Variants in TLN2 observed in about 807,000 individuals in gnomAD.
The protein encoded by TLN2 is talin-2.
In TLN2, 118 loss-of-function variants were observed where a neutral mutation model predicts 294.7. The ratio of observed to expected loss-of-function variants is 0.40; its 90% CI spans 0.34 to 0.47. TLN2 has a LOEUF of 0.47. Among genes scored for constraint, TLN2 ranks in the 20% least tolerant of loss-of-function variants. TLN2 has a pLI of 0.84. For synonymous variants in TLN2, 1,431 were observed against 1,304.5 expected (o/e 1.10, Z -2.09); for missense variants, 3,083 against 3,282.2 (o/e 0.94, Z 1.48).
At chr15:62,606,000 A>G (rs2047405038) in intron 2 of TLN2, among the ~76,000 whole-genome samples, 1 of 152,240 alleles carries the variant, frequency 6.6e-6, no homozygotes, top group South Asian at 2.1e-4. Context: ...CACCAGTGTC[A>G]CTAGTTAAGT....
chr15:62,746,785 C>A (rs896472079), intron 32 of TLN2, among the ~76,000 whole-genome samples: 2 of 152,136 alleles, frequency 1.3e-5, no homozygotes, highest in African/African-American at 4.8e-5. Flanking sequence ...GAAGCGTGGA[C>A]CAGTTATGAC....
rs71131119 is a variant in TLN2 at position 62,689,877 on chromosome 15, T to TTTTTTTTTTTA, written c.1114-2963_1114-2962insTTTTTTTTTTA. Among the ~76,000 whole-genome samples the TTTTTTTTTTTA allele has an allele frequency of 9.9e-3, 97 of 9,844 alleles. 30 individuals carry two copies. Among genetic ancestry groups the TTTTTTTTTTTA allele is most frequent in the Admixed American group, 0.047 (18 of 380 alleles). 6.5% of individuals were successfully genotyped at this position (9,844 alleles called of 152,430 possible). A position where few individuals can be genotyped will look rare whatever the true frequency, so the allele number is the denominator to read the frequency against. ...TTTTTTTTTTTTTTTTTTTTTTTTT[T>TTTTTTTTTTTA]ATTGGCTGACCCCCCTTCCTCCCTC... On this transcript the variant is annotated intron_variant, in intron 12 of 58. Coordinates refer to ENST00000636159, the MANE Select transcript of TLN2 (RefSeq NM_015059.3).
Position 62,707,067 on chromosome 15 carries a change from T to A in TLN2, c.2005-19T>A. 1 of 1,597,874 alleles carries A rather than the reference T, an allele frequency of 6.3e-7. No homozygotes were observed. Among genetic ancestry groups the A allele is most frequent in the Non-Finnish European group, 8.6e-7 (1 of 1,168,626 alleles). On this transcript the variant is annotated intron_variant, in intron 19 of 58. Transcript: ENST00000636159. ...ATTAGAGAAAAATAAATGAATAGTC[T>A]TTGATTCCCTTTTCTTAGGATGTTT... is the stretch of plus-strand genomic sequence containing the variant.
intron 57 of TLN2, among the ~76,000 whole-genome samples, chr15:62,837,565 G>A (rs769140469): frequency 3.9e-5 from 6 of 152,146 alleles, no homozygotes; most frequent in South Asian, 2.1e-4. Flanking sequence ...CATCATTACC[G>A]ATTTAACTGG....
At chr15:62,715,868 C>G (rs563350772) in intron 22 of TLN2, among the ~76,000 whole-genome samples, 24 of 152,182 alleles carry the variant, frequency 1.6e-4, no homozygotes, top group Non-Finnish European at 1.8e-4. Context: ...TCCCCCTCTT[C>G]CCTCTGTCCC....
intron 1 of TLN2, among the ~76,000 whole-genome samples, chr15:62,505,123 ATT>A (rs200018120): frequency 1.3e-5 from 2 of 151,616 alleles, no homozygotes; most frequent in African/African-American, 2.4e-5. Flanking sequence ...TGCCCAGCTA[ATT>A]TTTTTGTATT....
At chr15:62,837,066 G>A (rs1348477663) in intron 57 of TLN2, among the ~76,000 whole-genome samples, 1 of 152,160 alleles carries the variant, frequency 6.6e-6, no homozygotes, top group Non-Finnish European at 1.5e-5. Flanking sequence ...TATTGTAAGT[G>A]TTAAAATGTA....
chr15:62,670,259 C>T (rs1198838563), intron 9 of TLN2, among the ~76,000 whole-genome samples: 3 of 152,190 alleles, frequency 2.0e-5, no homozygotes, highest in Non-Finnish European at 2.9e-5. Context: ...CATGATGCCA[C>T]TTCCTTATTT....
chr15:62,793,646 C>T (rs2065238758), intron 46 of TLN2, among the ~76,000 whole-genome samples: 1 of 152,024 alleles, frequency 6.6e-6, no homozygotes, highest in Non-Finnish European at 1.5e-5. Context: ...TTCTTCATTC[C>T]CAAGTAGCTC....
At chr15:62,451,864 T>C (rs74839963) in intron 1 of TLN2, among the ~76,000 whole-genome samples, 2 of 152,330 alleles carry the variant, frequency 1.3e-5, no homozygotes, top group Non-Finnish European at 2.9e-5. Flanking sequence ...AGTCTTGTTT[T>C]GTGTCAAACA....
At chr15:62,643,033 G>A (rs2051327378) in intron 3 of TLN2, among the ~76,000 whole-genome samples, 1 of 152,142 alleles carries the variant, frequency 6.6e-6, no homozygotes, top group Non-Finnish European at 1.5e-5. Context: ...TATAGGGTAA[G>A]TCATAGTACT....
At chr15:62,703,650 C>CACACAG (rs34685862) in intron 19 of TLN2, among the ~76,000 whole-genome samples, 2,731 of 149,876 alleles carry the variant, frequency 0.018, 106 homozygotes, top group Admixed American at 0.09. Flanking sequence ...CACACACACA[C>CACACAG]AGAGAAAGAG....
At chr15:62,621,725 TGCGAAGAGCTCCCTTATG>T (rs1236974685) in intron 3 of TLN2, among the ~76,000 whole-genome samples, 1 of 152,344 alleles carries the variant, frequency 6.6e-6, no homozygotes, top group Admixed American at 6.5e-5. Context: ...TCTTATTTGC[TGCGAAGAGCTCCCTTATG>T]GCGGGATTGG....
At position 62,532,088 on chromosome 15, in the gene TLN2, CA is replaced by C. The variant is rs1479930216; in HGVS notation, c.-237-57598del. Among the ~76,000 whole-genome samples, 6 of 148,360 alleles carry C rather than the reference CA, an allele frequency of 4.0e-5. No individual in the cohort carries two copies. The East Asian group carries it at 1.2e-3, about 29-fold the overall frequency. On this transcript the variant is annotated intron_variant, in intron 1 of 58. Coordinates refer to ENST00000636159, the MANE Select transcript of TLN2 (RefSeq NM_015059.3). ...TTTGTGAGACAGGTACTCACTTTGT[CA>C]CCCAGGCTGGGGTGCAAAGGGGCAA...
At chr15:62,673,071 A>AG (rs2055627229) in intron 9 of TLN2, among the ~76,000 whole-genome samples, 2 of 20,914 alleles carry the variant, frequency 9.6e-5, no homozygotes, top group African/African-American at 1.9e-4. Context: ...TCCTAATTTA[A>AG]TTGTGTGTGT....
chr15:62,568,020 C>G (rs957927355), intron 1 of TLN2, among the ~76,000 whole-genome samples: 1 of 152,170 alleles, frequency 6.6e-6, no homozygotes, highest in Admixed American at 6.5e-5. Context: ...TCACTTTCCC[C>G]TACTGAGTTG....
chr15:62,445,986 CTT>C (rs563270324), intron 1 of TLN2, among the ~76,000 whole-genome samples: 1 of 147,848 alleles, frequency 6.8e-6, no homozygotes, highest in Non-Finnish European at 1.5e-5. Flanking sequence ...GCTCTGTAGT[CTT>C]TTTTTTTTGT....
chr15:62,516,490 T>C (rs767087599), intron 1 of TLN2, among the ~76,000 whole-genome samples: 36 of 152,356 alleles, frequency 2.4e-4, no homozygotes, highest in Non-Finnish European at 2.6e-4. Flanking sequence ...TAAGACAAAA[T>C]GTGTCTGTCA....
chr15:62,668,800 C>T (rs2055042533), intron 9 of TLN2, among the ~76,000 whole-genome samples: 1 of 152,160 alleles, frequency 6.6e-6, no homozygotes, highest in South Asian at 2.1e-4. Flanking sequence ...TTGTAAAGCA[C>T]CTGAAACAGG....
Sources: gnomAD v4.1 joint callset for allele counts (sites outside exome capture counted in the v4.1 genomes callset) on GRCh38, gnomAD v4.1.1 for gene constraint, MANE v1.5 for transcripts, NCBI Gene and HGNC (gene_info 2026-07-23, HGNC 2026-07-21) for gene names.